Variants in AFDN observed in about 807,000 individuals in gnomAD.
AFDN encodes the protein afadin, adherens junction formation factor, also known as afadin.
A neutral mutation model predicts 216.6 loss-of-function variants in AFDN; 68 were observed. The observed-to-expected ratio is 0.31, with a 90% CI of 0.26 to 0.38. The LOEUF (loss-of-function observed/expected upper bound fraction) is 0.38, where lower values mean the gene tolerates loss of function less well. Ranked by LOEUF, AFDN falls within the 10% of genes least tolerant of loss-of-function variation. The probability of loss-of-function intolerance (pLI) is 1.00; values close to 1 mark genes in which losing one functional copy is unlikely to be tolerated. For missense variants in AFDN, 2,136 were observed against 2,342.0 expected, an observed-to-expected ratio of 0.91 and a Z score of 1.82; for synonymous variants, 868 against 853.7, an observed-to-expected ratio of 1.02 and a Z score of -0.29.
At chr6:167,943,526 T>C in intron 25 of AFDN, 51 bp downstream of exon 25, 1 of 1,439,746 alleles carries the variant, frequency 6.9e-7, no homozygotes, top group East Asian at 2.3e-5. Flanking sequence ...TTTAGGTGAT[T>C]TTTGCATTAA....
chr6:167,896,688 G>A (rs141866292), intron 9 of AFDN, among the ~76,000 whole-genome samples, 190 bp from the exon 10 acceptor site: 88 of 152,256 alleles, frequency 5.8e-4, no homozygotes, highest in African/African-American at 2.0e-3. Flanking sequence ...AAACTGATAC[G>A]TTTATTTCTT....
At chr6:167,965,170 T>G (rs1797415377) in intron 31 of AFDN, 1 of 728,654 alleles carries the variant, frequency 1.4e-6, no homozygotes, top group African/African-American at 1.9e-5. Flanking sequence ...TCTTCATTTC[T>G]GGTTTCCTGT....
intron 6 of AFDN, among the ~76,000 whole-genome samples, chr6:167,887,988 G>A (rs1281961961): frequency 3.3e-5 from 5 of 152,166 alleles, no homozygotes; most frequent in Admixed American, 3.3e-4. Context: ...TACTTAAGCT[G>A]AAGGATGAGT....
chr6:167,839,698 A>C (rs1218580321), intron 1 of AFDN, among the ~76,000 whole-genome samples: 2 of 152,174 alleles, frequency 1.3e-5, no homozygotes, highest in Admixed American at 6.5e-5. Context: ...TTGAGTGGTC[A>C]TCCACTATAT....
intron 5 of AFDN, among the ~76,000 whole-genome samples, chr6:167,878,607 G>GTCTCTCTC (rs10677317): frequency 0.022 from 3,348 of 149,264 alleles, 55 homozygotes; most frequent in Non-Finnish European, 0.033. Context: ...CTCTCTCTCT[G>GTCTCTCTC]TCTCTCTCTC....
chr6:167,860,025 A>G (rs1783361138), intron 1 of AFDN, among the ~76,000 whole-genome samples: 1 of 152,028 alleles, frequency 6.6e-6, no homozygotes, highest in African/African-American at 2.4e-5. Context: ...TGAGATGAGC[A>G]TTGTACGCTG....
intron 6 of AFDN, 98 bp from the exon 7 acceptor site, chr6:167,889,117 A>T: frequency 1.4e-6 from 1 of 732,646 alleles, no homozygotes; most frequent in Non-Finnish European, 2.3e-6. Flanking sequence ...TTCTACGGTG[A>T]CATTTTATTC....
intron 1 of AFDN, among the ~76,000 whole-genome samples, chr6:167,853,865 T>G (rs1325776997): frequency 6.6e-6 from 1 of 152,120 alleles, no homozygotes; most frequent in African/African-American, 2.4e-5. Flanking sequence ...TATACGAGAA[T>G]TTTTTCAACC....
At position 167,865,435 on chromosome 6, in the gene AFDN, C is replaced by T. The variant is rs564487499; in HGVS notation, c.301+689C>T. 1.8e-3 allele frequency among the ~76,000 whole-genome samples: 278 copies of T among 151,686 alleles called. 2 individuals are homozygous for T. The highest frequency in any genetic ancestry group is 6.3e-3 in the African/African-American group (260 of 41,354). On this transcript the variant is annotated intron_variant, in intron 2 of 33. Coordinates refer to ENST00000683244, the MANE Select transcript of AFDN (RefSeq NM_001386888.1). ...TTGCTTGAGGCAACATAGTGAGACC[C>T]GTCTCCACAAAAAAATAAAAAAAAA...
intron 21 of AFDN, among the ~76,000 whole-genome samples, chr6:167,921,912 T>C (rs1281910953): frequency 6.6e-6 from 1 of 152,190 alleles, no homozygotes; most frequent in Non-Finnish European, 1.5e-5. Flanking sequence ...TGTCCACAAA[T>C]AACGGTCAGA....
chr6:167,856,300 A>C (rs1030397324), intron 1 of AFDN, among the ~76,000 whole-genome samples: 1 of 152,034 alleles, frequency 6.6e-6, no homozygotes, highest in Admixed American at 6.6e-5. Context: ...ATAGCTTTGT[A>C]TGTATAGGAG....
rs988784489 is a variant in AFDN at position 167,869,134 on chromosome 6, T to C, written c.302-1252T>C. ...TTGCAGTTTGTGTGACAGGGCACTG[T>C]CATATGCATTCTGACTGTGAGGTGA... On this transcript the variant is annotated intron_variant, in intron 2 of 33. Transcript: ENST00000683244. 4.6e-5 allele frequency among the ~76,000 whole-genome samples: 7 copies of C among 151,782 alleles called. No individual in the cohort carries two copies. The East Asian group carries it at 1.2e-3, about 25-fold the overall frequency.
rs2128516923 is a variant in AFDN at position 167,925,266 on chromosome 6, G to T, written c.3099+175G>T. On this transcript the variant is annotated intron_variant, in intron 23 of 33. Coordinates refer to ENST00000683244, the MANE Select transcript of AFDN (RefSeq NM_001386888.1). ...CATGAATGAAGCCAGTGTGCTCACT[G>T]GGCCCAATTAGTTGAGGGATGATCT... 1.3e-5 allele frequency among the ~76,000 whole-genome samples: 2 copies of T among 152,298 alleles called. 1 individual carries two copies. The highest frequency in any genetic ancestry group is 3.9e-4 in the East Asian group (2 of 5,184).
intron 1 of AFDN, chr6:167,863,895 G>A (rs972446956): frequency 2.3e-6 from 1 of 442,958 alleles, no homozygotes; most frequent in Non-Finnish European, 4.6e-6. Context: ...TGGTGCAAAA[G>A]TACTTGTGCT....
At chr6:167,913,010 G>C (rs1416109440) in intron 15 of AFDN, among the ~76,000 whole-genome samples, 2 of 152,036 alleles carry the variant, frequency 1.3e-5, no homozygotes, top group African/African-American at 4.8e-5. Context: ...TAGAGGGATG[G>C]ACTTTCACCT....
chr6:167,941,995 A>G (rs900814373), intron 23 of AFDN, among the ~76,000 whole-genome samples: 1 of 152,214 alleles, frequency 6.6e-6, no homozygotes, highest in African/African-American at 2.4e-5. Flanking sequence ...GAAATACTAT[A>G]CTGTTTTTAA....
In AFDN at chr6:167,902,358, ATAG is replaced by A. The variant is rs1238936000; in HGVS notation, c.1624_1626del (p.Ser542del). The A allele has an allele frequency of 1.2e-6, 2 of 1,612,872 alleles. No individual in the cohort carries two copies. Among genetic ancestry groups the A allele is most frequent in the African/African-American group, 2.7e-5 (2 of 74,922 alleles). ...ACTTTTGATTTGGGAGGAGATATTC[ATAG>A]TGGGACAGCATTACCGACAAGCAAG... On this transcript the variant is annotated inframe_deletion, in exon 12 of 34. Coordinates refer to ENST00000683244, the MANE Select transcript of AFDN (RefSeq NM_001386888.1).
chr6:167,963,386 A>C, intron 31 of AFDN: 2 of 1,057,350 alleles, frequency 1.9e-6, no homozygotes, highest in Non-Finnish European at 2.3e-6. Context: ...TGAAGGTAGA[A>C]GCTTTCAGTG....
chr6:167,938,303 C>T (rs1034789288), intron 23 of AFDN, among the ~76,000 whole-genome samples: 2 of 152,126 alleles, frequency 1.3e-5, no homozygotes, highest in Admixed American at 6.5e-5. Context: ...TGGAGAATGA[C>T]GAGAGAGGTT....
Sources: gnomAD v4.1 joint callset for allele counts (sites outside exome capture counted in the v4.1 genomes callset) on GRCh38, gnomAD v4.1.1 for gene constraint, MANE v1.5 for transcripts, NCBI Gene and HGNC (gene_info 2026-07-23, HGNC 2026-07-21) for gene names.